ARHGAP15: variants seen among roughly 807,000 people sequenced by gnomAD.
ARHGAP15 encodes Rho GTPase activating protein 15.
In ARHGAP15, 51 loss-of-function variants were observed where a neutral mutation model predicts 63.7. The ratio of observed to expected loss-of-function variants is 0.80; its 90% CI spans 0.64 to 1.01. The LOEUF is 1.01. ARHGAP15 is among the 50% of genes least tolerant of loss of function. The probability of loss-of-function intolerance (pLI) is 0.00; values close to 1 mark genes in which losing one functional copy is unlikely to be tolerated. For missense variants in ARHGAP15, 560 were observed against 564.6 expected, an observed-to-expected ratio of 0.99 and a Z score of 0.08; for synonymous variants, 191 against 193.8, an observed-to-expected ratio of 0.99 and a Z score of 0.12.
intron 1 of ARHGAP15, among the ~76,000 whole-genome samples, chr2:143,142,731 A>G (rs139818899): frequency 9.9e-5 from 15 of 152,240 alleles, no homozygotes; most frequent in African/African-American, 3.6e-4. Context: ...GCTCACACAC[A>G]CACAAAAACA....
chr2:143,697,171 A>C (rs1400590324), intron 12 of ARHGAP15, among the ~76,000 whole-genome samples: 1 of 152,190 alleles, frequency 6.6e-6, no homozygotes, highest in Non-Finnish European at 1.5e-5. Context: ...AATTGACAGC[A>C]TTCCATATAT....
At chr2:143,400,814 A>C (rs192829520) in intron 6 of ARHGAP15, among the ~76,000 whole-genome samples, 170 of 152,108 alleles carry the variant, frequency 1.1e-3, no homozygotes, top group East Asian at 3.7e-3. Flanking sequence ...TTCTCCCCCT[A>C]TAGGGGAGTT....
intron 12 of ARHGAP15, among the ~76,000 whole-genome samples, chr2:143,625,099 T>C (rs1219066451): frequency 2.0e-5 from 3 of 152,098 alleles, no homozygotes; most frequent in African/African-American, 7.2e-5. Flanking sequence ...AAAAGTTTCC[T>C]GGCAAGCCAG....
chr2:143,307,756 T>G lies in ARHGAP15; in HGVS notation c.474+57156T>G, dbSNP rs1399594571. On this transcript the variant is annotated intron_variant, in intron 6 of 13. Transcript: ENST00000295095. ...GACTTAGGACTGAGAGAGCTGAACA[T>G]TAGGGGGTCTCAATCAAGCAGCTGG... Among the ~76,000 whole-genome samples, 3 of 152,086 alleles carry G rather than the reference T, an allele frequency of 2.0e-5. No homozygotes were observed. In the East Asian group the frequency reaches 5.8e-4, roughly 29 times the overall value.
intron 6 of ARHGAP15, among the ~76,000 whole-genome samples, chr2:143,418,226 G>A (rs1057121972): frequency 2.0e-5 from 3 of 152,138 alleles, no homozygotes; most frequent in East Asian, 3.8e-4. Context: ...GGACAGCCCC[G>A]TGGTAAATGA....
intron 11 of ARHGAP15, among the ~76,000 whole-genome samples, chr2:143,580,468 C>T (rs1485534310): frequency 6.6e-6 from 1 of 152,044 alleles, no homozygotes; most frequent in Non-Finnish European, 1.5e-5. Context: ...ATTTCCACCT[C>T]GATGACTTGC....
At chr2:143,134,926 C>T (rs188246548) in intron 1 of ARHGAP15, among the ~76,000 whole-genome samples, 12 of 152,094 alleles carry the variant, frequency 7.9e-5, no homozygotes, top group Admixed American at 2.6e-4. Context: ...CGTGAGAGCG[C>T]GCCCAGCCTA....
At chr2:143,734,382 T>A (rs910038573) in intron 13 of ARHGAP15, among the ~76,000 whole-genome samples, 1 of 152,218 alleles carries the variant, frequency 6.6e-6, no homozygotes, top group Non-Finnish European at 1.5e-5. Context: ...ACCACTGGCA[T>A]CTTTGGCATC....
At chr2:143,245,223 A>C (rs1193448843) in intron 5 of ARHGAP15, among the ~76,000 whole-genome samples, 2 of 152,322 alleles carry the variant, frequency 1.3e-5, no homozygotes, top group South Asian at 4.1e-4. Flanking sequence ...TAGAACGCTA[A>C]ACCTGGGGTT....
At chr2:143,636,669 G>A (rs1680331361) in intron 12 of ARHGAP15, among the ~76,000 whole-genome samples, 1 of 152,118 alleles carries the variant, frequency 6.6e-6, no homozygotes, top group Non-Finnish European at 1.5e-5. Flanking sequence ...CACTTAAAGT[G>A]TAACCCGTAG....
intron 3 of ARHGAP15, among the ~76,000 whole-genome samples, chr2:143,212,343 C>G (rs1367585486): frequency 1.3e-5 from 2 of 152,216 alleles, no homozygotes; most frequent in African/African-American, 2.4e-5. Flanking sequence ...CCGAGCACTT[C>G]CTCAGTGCTT....
At chr2:143,266,055 C>T (rs996876155) in intron 6 of ARHGAP15, among the ~76,000 whole-genome samples, 11 of 151,782 alleles carry the variant, frequency 7.2e-5, no homozygotes, top group South Asian at 4.2e-4. Flanking sequence ...GAGTTATTTT[C>T]GAAACTGTGT....
intron 6 of ARHGAP15, among the ~76,000 whole-genome samples, chr2:143,366,031 G>C (rs1022496662): frequency 2.6e-5 from 4 of 152,072 alleles, no homozygotes; most frequent in Non-Finnish European, 5.9e-5. Flanking sequence ...CAATTGAAAA[G>C]AAGTTTTATT....
intron 11 of ARHGAP15, among the ~76,000 whole-genome samples, chr2:143,611,235 G>T (rs1698244403): frequency 6.6e-6 from 1 of 152,078 alleles, no homozygotes; most frequent in Non-Finnish European, 1.5e-5. Flanking sequence ...AAATGATTCT[G>T]TTATTAGTTC....
chr2:143,656,829 G>GGA (rs1241164846), intron 12 of ARHGAP15, among the ~76,000 whole-genome samples: 4 of 151,990 alleles, frequency 2.6e-5, no homozygotes, highest in African/African-American at 9.7e-5. Flanking sequence ...CTCCTCTTCA[G>GGA]GACATTTAAC....
intron 12 of ARHGAP15, among the ~76,000 whole-genome samples, chr2:143,684,902 C>CT (rs960894249): frequency 1.3e-5 from 2 of 152,162 alleles, no homozygotes; most frequent in Non-Finnish European, 1.5e-5. Flanking sequence ...GAAGAGAGAC[C>CT]TTTCCAGTCA....
At chr2:143,504,108 CA>C (rs1283937012) in intron 9 of ARHGAP15, among the ~76,000 whole-genome samples, 6 of 152,208 alleles carry the variant, frequency 3.9e-5, no homozygotes, top group African/African-American at 1.4e-4. Flanking sequence ...TTGAGGTACA[CA>C]ATCGTAGGAA....
At chr2:143,740,325 G>A (rs1262256026) in intron 13 of ARHGAP15, among the ~76,000 whole-genome samples, 1 of 152,146 alleles carries the variant, frequency 6.6e-6, no homozygotes, top group Non-Finnish European at 1.5e-5. Flanking sequence ...ACCACTGTCT[G>A]TCTGCATATT....
chr2:143,660,545 A>G (rs1681707178), intron 12 of ARHGAP15, among the ~76,000 whole-genome samples: 2 of 152,210 alleles, frequency 1.3e-5, no homozygotes, highest in Non-Finnish European at 2.9e-5. Context: ...CCTAAAATGA[A>G]CACTTTATGA....
Sources: gnomAD v4.1 joint callset for allele counts (sites outside exome capture counted in the v4.1 genomes callset) on GRCh38, gnomAD v4.1.1 for gene constraint, MANE v1.5 for transcripts, NCBI Gene and HGNC (gene_info 2026-07-23, HGNC 2026-07-21) for gene names.